TLL2: variants seen among roughly 807,000 people sequenced by gnomAD.
TLL2 encodes tolloid like 2, also known as tolloid-like protein 2.
Under a neutral mutation model 123.0 loss-of-function variants are expected in TLL2, and 106 were observed. The ratio of observed to expected loss-of-function variants is 0.86; its 90% confidence interval spans 0.74 to 1.01. The LOEUF (loss-of-function observed/expected upper bound fraction) is 1.01. Among genes scored for constraint, TLL2 ranks in the 50% least tolerant of loss-of-function variants. The pLI is 0.00. For missense variants in TLL2, 1,332 were observed against 1,336.7 expected (o/e 1.00, Z 0.06); for synonymous variants, 494 against 516.8 (o/e 0.96, Z 0.60).
chr10:96,446,873 T>C (rs1474711645), intron 2 of TLL2, among the ~76,000 whole-genome samples: 2 of 152,246 alleles, frequency 1.3e-5, no homozygotes, highest in Non-Finnish European at 2.9e-5. Flanking sequence ...CCAGGCACCA[T>C]GGATCCAGCA....
At chr10:96,440,590 C>T (rs1846842076) in intron 3 of TLL2, among the ~76,000 whole-genome samples, 3 of 152,190 alleles carry the variant, frequency 2.0e-5, no homozygotes, top group Admixed American at 2.0e-4. Context: ...AAAAATACTT[C>T]TCTATTCAAA....
At chr10:96,504,483 G>T (rs1847560529) in intron 1 of TLL2, among the ~76,000 whole-genome samples, 1 of 152,090 alleles carries the variant, frequency 6.6e-6, no homozygotes, top group African/African-American at 2.4e-5. Flanking sequence ...GGTGGTGCCT[G>T]CCTATAATCC....
intron 2 of TLL2, among the ~76,000 whole-genome samples, chr10:96,456,850 G>A (rs1847021316): frequency 6.6e-6 from 1 of 152,230 alleles, no homozygotes. Flanking sequence ...GCAACCTGGT[G>A]AAGGAACTCG....
chr10:96,502,077 G>T lies in TLL2; in HGVS notation c.175+11434C>A, dbSNP rs569537738. ...CTGATTGAGACTGGGGACTGGGAAG[G>T]CCTCATGGGGGAAATGACATGTAAG... On this transcript the variant is annotated intron_variant, in intron 1 of 20. Transcript: ENST00000357947. Among the ~76,000 whole-genome samples the T allele has an allele frequency of 2.0e-4, 31 of 152,288 alleles. 2 individuals are homozygous for T. The highest frequency in any genetic ancestry group is 3.4e-3 in the Middle Eastern group (1 of 294).
At chr10:96,423,389 G>A (rs963540645) in intron 5 of TLL2, among the ~76,000 whole-genome samples, 17 of 152,152 alleles carry the variant, frequency 1.1e-4, no homozygotes, top group African/African-American at 1.7e-4. Context: ...GAAGAGTCAC[G>A]GGAAGGAGGC....
At chr10:96,496,131 G>A (rs1847472711) in intron 1 of TLL2, among the ~76,000 whole-genome samples, 1 of 152,100 alleles carries the variant, frequency 6.6e-6, no homozygotes, top group Admixed American at 6.6e-5. Flanking sequence ...ACCAGAAAAG[G>A]CAAATAAGAG....
intron 2 of TLL2, among the ~76,000 whole-genome samples, chr10:96,476,238 A>ATTTTTTTTTTTTT (rs1466902949): frequency 5.7e-5 from 1 of 17,500 alleles, no homozygotes; most frequent in Non-Finnish European, 1.2e-4. Flanking sequence ...ATATATATAT[A>ATTTTTTTTTTTTT]TATTTTATTT....
At chr10:96,490,010 C>G (rs973048084) in intron 1 of TLL2, among the ~76,000 whole-genome samples, 3 of 152,004 alleles carry the variant, frequency 2.0e-5, no homozygotes, top group African/African-American at 7.2e-5. Context: ...GCAGGAGAAT[C>G]ACTTGAACCC....
chr10:96,426,650 C>G (rs991070501), intron 5 of TLL2, among the ~76,000 whole-genome samples: 6 of 152,310 alleles, frequency 3.9e-5, no homozygotes, highest in African/African-American at 7.2e-5. Context: ...CACATTTTCA[C>G]ACTTCTTGCC....
At chr10:96,438,224 G>A (rs1435149169) in intron 3 of TLL2, among the ~76,000 whole-genome samples, 2 of 152,174 alleles carry the variant, frequency 1.3e-5, no homozygotes, top group African/African-American at 2.4e-5. Flanking sequence ...TCTACTCTAT[G>A]CATCTTCCAA....
chr10:96,404,744 A>G (rs1846433655), intron 10 of TLL2, among the ~76,000 whole-genome samples: 1 of 152,148 alleles, frequency 6.6e-6, no homozygotes, highest in African/African-American at 2.4e-5. Flanking sequence ...AAATGCATAA[A>G]TGTATTTTTT....
At chr10:96,509,150 C>T (rs1028369186) in intron 1 of TLL2, among the ~76,000 whole-genome samples, 5 of 152,134 alleles carry the variant, frequency 3.3e-5, no homozygotes, top group Admixed American at 1.3e-4. Context: ...GACACATGAG[C>T]GAATGAGCCT....
chr10:96,421,200 G>C, intron 6 of TLL2, 139 bp from the exon 7 acceptor site: 1 of 629,402 alleles, frequency 1.6e-6, no homozygotes, highest in East Asian at 2.8e-5. Flanking sequence ...GCTTGTAGTG[G>C]TTCTTGTTGT....
At chr10:96,368,291 G>A (rs1212151419) in intron 20 of TLL2, 69 bp from the exon 21 acceptor site, 2 of 1,570,406 alleles carry the variant, frequency 1.3e-6, no homozygotes, top group African/African-American at 2.7e-5. Context: ...AGGAGGATGG[G>A]ACAGGATCTT....
At chr10:96,492,202 C>T (rs1208035094) in intron 1 of TLL2, among the ~76,000 whole-genome samples, 2 of 151,462 alleles carry the variant, frequency 1.3e-5, no homozygotes, top group African/African-American at 2.4e-5. Context: ...GCCATTTTGT[C>T]CCCTTTCTAT....
At chr10:96,397,146 A>G (rs1289001633) in intron 11 of TLL2, 40 bp downstream of exon 11, 2 of 1,560,952 alleles carry the variant, frequency 1.3e-6, no homozygotes, top group East Asian at 2.3e-5. Context: ...GACAGAGCTT[A>G]TGAGGGGCCA....
At chr10:96,415,729 GTCTCTCTCTGTCTCTCTCTCTCTCTCTC>G in intron 7 of TLL2, among the ~76,000 whole-genome samples, 1 of 8,580 alleles carries the variant, frequency 1.2e-4, no homozygotes, top group Non-Finnish European at 2.2e-4. Context: ...CTCTCTCTCT[GTCTCTCTCTGTCTCTCTCTCTCTCTCTC>G]TCTCTCTCTG....
chr10:96,389,437 G>A (rs2134059790), intron 13 of TLL2, among the ~76,000 whole-genome samples: 1 of 152,324 alleles, frequency 6.6e-6, no homozygotes, highest in Non-Finnish European at 1.5e-5. Flanking sequence ...GACCAGGTGG[G>A]AGTGGAGCAG....
intron 7 of TLL2, among the ~76,000 whole-genome samples, chr10:96,415,743 C>CTT (rs1846552182): frequency 8.1e-5 from 7 of 85,930 alleles, no homozygotes; most frequent in African/African-American, 2.0e-4. Flanking sequence ...CTCTCTGTCT[C>CTT]TCTCTCTCTC....
Sources: allele counts gnomAD v4.1 joint callset (sites outside exome capture counted in the v4.1 genomes callset), GRCh38; gene constraint gnomAD v4.1.1; transcripts MANE v1.5; gene names NCBI Gene and HGNC (gene_info 2026-07-23, HGNC 2026-07-21).